GALNT10: variants seen among roughly 807,000 people sequenced by gnomAD.
GALNT10 encodes the protein GalNAc transferase 10.
Under a neutral mutation model 75.0 loss-of-function variants are expected in GALNT10, and 41 were observed. The observed-to-expected ratio is 0.55, with a 90% CI of 0.43 to 0.71. GALNT10 has a LOEUF of 0.71. GALNT10 is among the 30% of genes least tolerant of loss of function. The pLI is 0.00. For missense variants in GALNT10, 727 were observed against 818.5 expected, an observed-to-expected ratio of 0.89 and a Z score of 1.36; for synonymous variants, 302 against 313.0, an observed-to-expected ratio of 0.96 and a Z score of 0.37.
At chr5:154,263,111 A>G (rs1037586336) in intron 1 of GALNT10, among the ~76,000 whole-genome samples, 1 of 152,174 alleles carries the variant, frequency 6.6e-6, no homozygotes, top group African/African-American at 2.4e-5. Flanking sequence ...GGTTAAACAC[A>G]CAGTGACCAT....
intron 7 of GALNT10, chr5:154,386,805 A>C (rs1321814578): frequency 7.5e-6 from 3 of 399,214 alleles, no homozygotes; most frequent in African/African-American, 2.1e-5. Flanking sequence ...CAGGATACGT[A>C]GGCCTAGAGG....
At chr5:154,311,334 T>C (rs1321654025) in intron 3 of GALNT10, among the ~76,000 whole-genome samples, 1 of 152,260 alleles carries the variant, frequency 6.6e-6, no homozygotes, top group East Asian at 1.9e-4. Context: ...GATTTATTTC[T>C]TTTATACTCA....
intron 7 of GALNT10, among the ~76,000 whole-genome samples, chr5:154,400,835 G>A (rs1317681326): frequency 6.6e-6 from 1 of 152,116 alleles, no homozygotes; most frequent in East Asian, 1.9e-4. Flanking sequence ...AGGTGAGGGT[G>A]GAGGGCTGCA....
intron 3 of GALNT10, among the ~76,000 whole-genome samples, chr5:154,299,646 A>G (rs192020451): frequency 6.6e-6 from 1 of 152,330 alleles, no homozygotes; most frequent in African/African-American, 2.4e-5. Context: ...TAGTTCCTAC[A>G]ACAATACTTT....
At chr5:154,203,825 T>C (rs1775064287) in intron 1 of GALNT10, among the ~76,000 whole-genome samples, 1 of 152,180 alleles carries the variant, frequency 6.6e-6, no homozygotes, top group Non-Finnish European at 1.5e-5. Flanking sequence ...TTTCGAAAAG[T>C]TCCATTCCCA....
At chr5:154,271,617 AAGC>A (rs1387840389) in intron 1 of GALNT10, among the ~76,000 whole-genome samples, 6 of 152,174 alleles carry the variant, frequency 3.9e-5, no homozygotes, top group African/African-American at 1.4e-4. Flanking sequence ...TCTGGTGAGG[AAGC>A]AGAAGTCATT....
Position 154,218,088 on chromosome 5 carries a change from C to T in GALNT10, c.159+27063C>T, listed in dbSNP as rs142275456. Reference sequence around the variant, plus strand: ...CGACTGAGACCAGGATTATTCCCACCGCCCAAGAGCAGAGAGGGCTCAGAT... The same window carrying T: ...CGACTGAGACCAGGATTATTCCCACTGCCCAAGAGCAGAGAGGGCTCAGAT... On this transcript the variant is annotated intron_variant, in intron 1 of 11. Coordinates refer to ENST00000297107, the MANE Select transcript of GALNT10 (RefSeq NM_198321.4). The T allele has an allele frequency of 1.5e-4, 149 of 985,132 alleles. No homozygotes were observed. In the Middle Eastern group the frequency reaches 1.6e-3, roughly 10 times the overall value. The allele number at this position is 985,132 out of a possible 1,614,324, so 61.0% of individuals were successfully genotyped here. A position where few individuals can be genotyped will look rare whatever the true frequency, so the allele number is the denominator to read the frequency against.
At chr5:154,411,297 G>A (rs1249498945) in intron 9 of GALNT10, among the ~76,000 whole-genome samples, 2 of 152,194 alleles carry the variant, frequency 1.3e-5, no homozygotes, top group Non-Finnish European at 2.9e-5. Context: ...GCCTCATGCT[G>A]AAGGTATCAA....
chr5:154,403,919 C>G, intron 7 of GALNT10, 185 bp from the exon 8 acceptor site: 1 of 666,818 alleles, frequency 1.5e-6, no homozygotes, highest in Non-Finnish European at 2.8e-6. Flanking sequence ...GCACTCAGTG[C>G]TGTCAGCTGT....
At chr5:154,254,255 A>G (rs188252901) in intron 1 of GALNT10, among the ~76,000 whole-genome samples, 48 of 152,162 alleles carry the variant, frequency 3.2e-4, no homozygotes, top group African/African-American at 1.0e-3. Flanking sequence ...GGATTTTTCT[A>G]TGTTTGCTTT....
intron 4 of GALNT10, among the ~76,000 whole-genome samples, chr5:154,348,374 C>T (rs541769261): frequency 2.0e-5 from 3 of 152,324 alleles, no homozygotes; most frequent in Admixed American, 6.5e-5. Context: ...ACCTCCAAGT[C>T]GCGCTATTCA....
intron 1 of GALNT10, among the ~76,000 whole-genome samples, chr5:154,223,102 A>G (rs753346162): frequency 2.7e-4 from 41 of 152,322 alleles, no homozygotes; most frequent in Non-Finnish European, 4.0e-4. Context: ...AACACTGTGT[A>G]GGGCACCGTA....
intron 1 of GALNT10, among the ~76,000 whole-genome samples, chr5:154,257,109 C>CA (rs1232213399): frequency 3.3e-5 from 5 of 151,378 alleles, no homozygotes; most frequent in Non-Finnish European, 7.4e-5. Flanking sequence ...ACCCCGTCTC[C>CA]AAAAAAATAA....
At chr5:154,358,243 G>C (rs966422092) in intron 4 of GALNT10, among the ~76,000 whole-genome samples, 3 of 152,148 alleles carry the variant, frequency 2.0e-5, no homozygotes, top group African/African-American at 7.2e-5. Flanking sequence ...GTTCTGCATG[G>C]GGGGACGTGT....
At chr5:154,310,970 T>G (rs960690338) in intron 3 of GALNT10, among the ~76,000 whole-genome samples, 5 of 152,224 alleles carry the variant, frequency 3.3e-5, no homozygotes, top group African/African-American at 1.2e-4. Context: ...TCTCTAATTT[T>G]TAAAAGAGTT....
rs778917084 is a variant in GALNT10, at chr5:154,412,904, A to G, written c.1402A>G (p.Thr468Ala). 2.5e-6 allele frequency: 4 copies of G among 1,612,746 alleles called. No homozygotes were observed. The highest frequency in any genetic ancestry group is 2.5e-6 in the Non-Finnish European group (3 of 1,178,844). The change falls in exon 10 of 12, where the codon ACA (threonine) becomes GCA (alanine). Residue 468 changes from threonine to alanine, a missense_variant. By Grantham distance (58) the Thr-to-Ala change is moderately conservative. Transcript: ENST00000297107. The surrounding 1 kb of genome is among the most constrained non-coding windows in gnomAD (Gnocchi z 4.2). ...TCCCTTTCAGATCCGAAATGTGGGC[A>G]CAGGGCTGTGTGCAGACACAAAGCA... ...AAWGEIRNVG[T>A]GLCADTKHGA...
chr5:154,322,387 G>T (rs1423107973), intron 3 of GALNT10, among the ~76,000 whole-genome samples: 1 of 152,092 alleles, frequency 6.6e-6, no homozygotes, highest in Non-Finnish European at 1.5e-5. Flanking sequence ...TACTTCTTCT[G>T]TCTCATCTTT....
intron 10 of GALNT10, among the ~76,000 whole-genome samples, chr5:154,414,407 T>C (rs998955042): frequency 2.0e-5 from 3 of 152,080 alleles, no homozygotes; most frequent in Non-Finnish European, 4.4e-5. Context: ...TAACAAGCGA[T>C]GAATTATTGA....
intron 1 of GALNT10, among the ~76,000 whole-genome samples, chr5:154,247,383 C>A (rs1753444659): frequency 6.6e-6 from 1 of 152,208 alleles, no homozygotes; most frequent in African/African-American, 2.4e-5. Context: ...GGCATTGAAT[C>A]TATCAATTAC....
Sources: allele counts gnomAD v4.1 joint callset (sites outside exome capture counted in the v4.1 genomes callset), GRCh38; gene constraint gnomAD v4.1.1; non-coding constraint Gnocchi (gnomAD v3.1); transcripts MANE v1.5; gene names NCBI Gene and HGNC (gene_info 2026-07-23, HGNC 2026-07-21).